The following GCSAML variants were observed in gnomAD, a reference collection of about 807,000 sequenced individuals.
GCSAML encodes the protein germinal center-associated signaling and motility-like protein.
In GCSAML, 9 loss-of-function variants were observed where a neutral mutation model predicts 13.0. The ratio of observed to expected loss-of-function variants is 0.69; its 90% CI spans 0.42 to 1.21. GCSAML has a LOEUF of 1.21. GCSAML is among the 50% of genes most tolerant of loss of function. The pLI is 0.00. For missense variants in GCSAML, 143 were observed against 153.4 expected, an observed-to-expected ratio of 0.93 and a Z score of 0.36; for synonymous variants, 37 against 52.9, an observed-to-expected ratio of 0.70 and a Z score of 1.31.
intron 2 of GCSAML, among the ~76,000 whole-genome samples, chr1:247,537,674 T>G (rs1398977637): frequency 2.0e-5 from 3 of 152,208 alleles, no homozygotes; most frequent in African/African-American, 7.2e-5. Context: ...CAATCTTTTT[T>G]TTTTCCTTTA....
At chr1:247,549,999 G>A (rs1189905602) in intron 1 of GCSAML, among the ~76,000 whole-genome samples, 1 of 152,280 alleles carries the variant, frequency 6.6e-6, no homozygotes, top group East Asian at 1.9e-4. Context: ...TATCGCTCCT[G>A]TGCTCCAGTG....
At chr1:247,561,236 G>A (rs972608540) in intron 2 of GCSAML, among the ~76,000 whole-genome samples, 4 of 152,130 alleles carry the variant, frequency 2.6e-5, no homozygotes, top group Non-Finnish European at 5.9e-5. Context: ...TTACAGGCAT[G>A]AGCCACCACA....
At chr1:247,570,154 C>T (rs557575671) in intron 4 of GCSAML, among the ~76,000 whole-genome samples, 3 of 152,256 alleles carry the variant, frequency 2.0e-5, no homozygotes, top group South Asian at 2.1e-4. Context: ...TTCAAAAAAA[C>T]CAGCTCCTGG....
chr1:247,516,657 G>A (rs7541002), intron 1 of GCSAML, among the ~76,000 whole-genome samples: 3,665 of 150,588 alleles, frequency 0.024, 148 homozygotes, highest in African/African-American at 0.084. Flanking sequence ...AATCCTTTCA[G>A]ATTAGACCTC....
At chr1:247,549,075 C>T (rs771423966), upstream of GCSAML, 47 of 1,606,406 alleles carry the variant, frequency 2.9e-5, no homozygotes, top group Non-Finnish European at 3.7e-5. Context: ...GGCAAGAGCA[C>T]GAACCCGTGG....
chr1:247,570,146 C>CA (rs1247466454), intron 4 of GCSAML, among the ~76,000 whole-genome samples: 3 of 151,816 alleles, frequency 2.0e-5, no homozygotes, highest in Admixed American at 6.6e-5. Flanking sequence ...TTAATCTTTT[C>CA]AAAAAAACCA....
intron 1 of GCSAML, among the ~76,000 whole-genome samples, chr1:247,522,423 A>AATG (rs1666484350): frequency 6.6e-6 from 1 of 152,126 alleles, no homozygotes; most frequent in South Asian, 2.1e-4. Context: ...TGTACCCCAC[A>AATG]GCTCATTGAG....
chr1:247,524,420 C>T (rs1666575622), intron 1 of GCSAML, among the ~76,000 whole-genome samples: 1 of 152,196 alleles, frequency 6.6e-6, no homozygotes, highest in South Asian at 2.1e-4. Flanking sequence ...GCGCAAGTGG[C>T]AGTCCCTAGA....
intron 1 of GCSAML, among the ~76,000 whole-genome samples, chr1:247,520,821 AAAAAGGG>A (rs1402506853): frequency 1.3e-5 from 2 of 152,216 alleles, no homozygotes; most frequent in Non-Finnish European, 2.9e-5. Context: ...TAGACATTGC[AAAAAGGG>A]AAAAGGGGAA....
chr1:247,551,687 A>G (rs984761394), intron 1 of GCSAML, among the ~76,000 whole-genome samples: 3 of 152,214 alleles, frequency 2.0e-5, no homozygotes, highest in African/African-American at 7.2e-5. Context: ...AGGCAAATTT[A>G]TTGATCATCG....
chr1:247,543,255 T>G (rs1233308431), intron 2 of GCSAML, among the ~76,000 whole-genome samples: 1 of 152,258 alleles, frequency 6.6e-6, no homozygotes, highest in Non-Finnish European at 1.5e-5. Flanking sequence ...GTTATTGATA[T>G]ATTAGTATTT....
chr1:247,540,256 C>T (rs1353813832), intron 2 of GCSAML, among the ~76,000 whole-genome samples: 1 of 152,198 alleles, frequency 6.6e-6, no homozygotes, highest in Non-Finnish European at 1.5e-5. Context: ...TGGTCTCGAA[C>T]TCCTGACTTC....
intron 2 of GCSAML, among the ~76,000 whole-genome samples, chr1:247,537,276 T>C (rs183994878): frequency 6.6e-6 from 1 of 152,192 alleles, no homozygotes; most frequent in East Asian, 1.9e-4. Context: ...TCAAGGTTCA[T>C]CTATGTTGTA....
intron 1 of GCSAML, among the ~76,000 whole-genome samples, chr1:247,517,200 G>T: frequency 6.6e-6 from 1 of 152,184 alleles, no homozygotes; most frequent in East Asian, 1.9e-4. Context: ...CAAGAGATTG[G>T]ACCAAATCTT....
chr1:247,514,276 G>A (rs1196043451), intron 1 of GCSAML, among the ~76,000 whole-genome samples: 1 of 152,118 alleles, frequency 6.6e-6, no homozygotes, highest in Non-Finnish European at 1.5e-5. Context: ...ACCACTCCCA[G>A]CCTGGAAATC....
chr1:247,570,085 ATTC>A (rs1668541038), intron 4 of GCSAML, among the ~76,000 whole-genome samples: 1 of 151,646 alleles, frequency 6.6e-6, no homozygotes, highest in Admixed American at 6.6e-5. Context: ...TGTCTATTTG[ATTC>A]TTCTGTCTTT....
intron 3 of GCSAML, 41 bp from the exon 4 acceptor site, chr1:247,565,890 G>C: frequency 6.7e-7 from 1 of 1,491,882 alleles, no homozygotes; most frequent in Non-Finnish European, 9.0e-7. Context: ...GTCTCACAGT[G>C]CTTTCCTTTC....
chr1:247,522,227 A>C, intron 1 of GCSAML, among the ~76,000 whole-genome samples: 1 of 101,496 alleles, frequency 9.9e-6, no homozygotes, highest in Non-Finnish European at 2.2e-5. Flanking sequence ...CCGCCCAGCC[A>C]GCCGCCCTGT....
chr1:247,526,098 G>C lies in GCSAML; in HGVS notation c.-262-842G>C, dbSNP rs1012304551. 1 of 152,194 alleles carries C rather than the reference G, an allele frequency of 6.6e-6. No homozygotes were observed. Among genetic ancestry groups the C allele is most frequent in the Non-Finnish European group, 1.5e-5 (1 of 68,034 alleles). The allele number at this position is 152,194 out of a possible 1,614,324, so 9.4% of individuals were successfully genotyped here. A position where few individuals can be genotyped will look rare whatever the true frequency, so the allele number is the denominator to read the frequency against. On this transcript the variant is annotated intron_variant, in intron 1 of 5. Coordinates refer to the GCSAML transcript ENST00000366489. This position sits in a 1 kb window ranked among gnomAD's most constrained non-coding sequence, Gnocchi z 4.8. ...TAATGAAAATGAGAAATTCCACGGT[G>C]ATTAGGTTTGAAATATACCTGTGCA...
Sources: allele counts gnomAD v4.1 joint callset (sites outside exome capture counted in the v4.1 genomes callset), GRCh38; gene constraint gnomAD v4.1.1; non-coding constraint Gnocchi (gnomAD v3.1); transcripts MANE v1.5; gene names NCBI Gene and HGNC (gene_info 2026-07-23, HGNC 2026-07-21).